Variants in FEZ2 observed in about 807,000 individuals in gnomAD.
The protein encoded by FEZ2 is fasciculation and elongation protein zeta-2.
Under a neutral mutation model 40.4 loss-of-function variants are expected in FEZ2, and 51 were observed. That is an observed-to-expected ratio of 1.26 (90% confidence interval 1.01 to 1.59). The LOEUF (loss-of-function observed/expected upper bound fraction) is 1.59. Ranked by LOEUF, FEZ2 falls within the 40% of genes most tolerant of loss-of-function variation. The probability of loss-of-function intolerance (pLI) is 0.00; values close to 1 mark genes in which losing one functional copy is unlikely to be tolerated. For synonymous variants in FEZ2, 242 were observed against 172.0 expected (o/e 1.41, Z -3.18); for missense variants, 640 against 438.3 (o/e 1.46, Z -4.11).
In FEZ2 at chr2:36,581,192, G is replaced by A; in HGVS notation, c.634+98C>T. ...GTAAATTTGGACACAAACACAAACA[G>A]AAGGAGGATGAAATCAAAGCTTTCT... On this transcript the variant is annotated intron_variant, in intron 4 of 7. Transcript: ENST00000405912. 2.7e-6 allele frequency: 3 copies of A among 1,110,176 alleles called. No individual in the cohort carries two copies. In the South Asian group the frequency reaches 4.6e-5, roughly 17 times the overall value. The allele number at this position is 1,110,176 out of a possible 1,614,324, so 68.8% of individuals were successfully genotyped here.
At chr2:36,571,610 G>A (rs1668413607) in intron 5 of FEZ2, among the ~76,000 whole-genome samples, 2 of 151,954 alleles carry the variant, frequency 1.3e-5, no homozygotes, top group African/African-American at 4.8e-5. Flanking sequence ...GGCCCAGATG[G>A]CACCACTGCA....
At chr2:36,595,769 C>T (rs529027285) in intron 1 of FEZ2, among the ~76,000 whole-genome samples, 93 of 152,136 alleles carry the variant, frequency 6.1e-4, no homozygotes, top group Non-Finnish European at 1.0e-3. Context: ...TCCCAACTCC[C>T]GGAAAAAAAG....
chr2:36,564,384 C>A (rs1668174920), intron 5 of FEZ2, among the ~76,000 whole-genome samples: 1 of 152,112 alleles, frequency 6.6e-6, no homozygotes, highest in Admixed American at 6.6e-5. Context: ...ATTTTATTCT[C>A]CTCGTTCATT....
intron 5 of FEZ2, among the ~76,000 whole-genome samples, chr2:36,561,152 T>C (rs1331794787): frequency 3.3e-5 from 5 of 152,278 alleles, no homozygotes; most frequent in African/African-American, 1.2e-4. Flanking sequence ...GTTGTACACA[T>C]ATTTGTTCTA....
chr2:36,597,023 T>G (rs1350529718), intron 1 of FEZ2, among the ~76,000 whole-genome samples: 2 of 152,010 alleles, frequency 1.3e-5, no homozygotes, highest in Non-Finnish European at 2.9e-5. Context: ...TGCTCTTAGG[T>G]GATTCTGTAA....
intron 5 of FEZ2, among the ~76,000 whole-genome samples, chr2:36,560,181 T>C (rs1668055609): frequency 6.6e-6 from 1 of 152,212 alleles, no homozygotes; most frequent in African/African-American, 2.4e-5. Flanking sequence ...AAAATGTGAA[T>C]AAAAAGCAAA....
intron 2 of FEZ2, among the ~76,000 whole-genome samples, chr2:36,584,635 G>T (rs79625362): frequency 6.6e-6 from 1 of 152,154 alleles, no homozygotes; most frequent in Non-Finnish European, 1.5e-5. Flanking sequence ...CAAGGATTAC[G>T]TAAGAAGCCA....
At chr2:36,565,137 A>C (rs1285633349) in intron 5 of FEZ2, among the ~76,000 whole-genome samples, 1 of 152,182 alleles carries the variant, frequency 6.6e-6, no homozygotes, top group Non-Finnish European at 1.5e-5. Flanking sequence ...CGAAACAATC[A>C]ACCTCACCAA....
chr2:36,590,154 G>GT (rs1395609145), intron 2 of FEZ2: 4 of 152,172 alleles, frequency 2.6e-5, no homozygotes, highest in Admixed American at 2.6e-4. Context: ...CCCAAGAAAG[G>GT]TAAGTTAGCC....
rs1468545576 is a variant in FEZ2 at position 36,560,986 on chromosome 2, ACTC to A, written c.904-2476_904-2474del. 5.6e-6 allele frequency: 3 copies of A among 536,738 alleles called. No individual in the cohort carries two copies. In the Admixed American group the frequency reaches 9.0e-5, roughly 16 times the overall value. 33.2% of individuals were successfully genotyped at this position (536,738 alleles called of 1,614,324 possible). On this transcript the variant is annotated intron_variant, in intron 5 of 7. Coordinates refer to ENST00000405912, the MANE Select transcript of FEZ2 (RefSeq NM_005102.3). ...AGGCAAGCAGTTAGAAAATGCCACT[ACTC>A]ATCCAGATAAAGCACATAAACCCAT...
chr2:36,588,900 C>T (rs1473918683), intron 2 of FEZ2, among the ~76,000 whole-genome samples: 1 of 151,868 alleles, frequency 6.6e-6, no homozygotes, highest in Non-Finnish European at 1.5e-5. Context: ...ACTCACGCTG[C>T]TAATGGGCCT....
chr2:36,595,405 C>T (rs1186921751), intron 1 of FEZ2, among the ~76,000 whole-genome samples: 1 of 152,026 alleles, frequency 6.6e-6, no homozygotes, highest in African/African-American at 2.4e-5. Context: ...AAGGTGTCTG[C>T]AAACTAGAAC....
chr2:36,556,185 CCTCCAACAAGCGTAT>C, intron 6 of FEZ2: 1 of 344,192 alleles, frequency 2.9e-6, no homozygotes, highest in South Asian at 2.5e-5. Context: ...ACAGCTATAC[CCTCCAACAAGCGTAT>C]CCTGTCAGAC....
chr2:36,577,610 T>C (rs1668612266), intron 5 of FEZ2, among the ~76,000 whole-genome samples: 2 of 152,248 alleles, frequency 1.3e-5, no homozygotes, highest in African/African-American at 4.8e-5. Flanking sequence ...AATGGATTTA[T>C]TCATAGGCTA....
chr2:36,582,095 G>C (rs936556119), intron 3 of FEZ2, among the ~76,000 whole-genome samples: 4 of 152,144 alleles, frequency 2.6e-5, no homozygotes, highest in Non-Finnish European at 4.4e-5. Flanking sequence ...GTCTAGTGCA[G>C]TGCTGCTCAA....
At chr2:36,574,580 C>T (rs541834907) in intron 5 of FEZ2, among the ~76,000 whole-genome samples, 7 of 151,706 alleles carry the variant, frequency 4.6e-5, no homozygotes, top group Admixed American at 1.3e-4. Context: ...CTGCATCGGA[C>T]AGAGTCATCA....
chr2:36,564,085 G>A (rs563081829), intron 5 of FEZ2, among the ~76,000 whole-genome samples: 2 of 152,212 alleles, frequency 1.3e-5, no homozygotes, highest in East Asian at 3.9e-4. Flanking sequence ...TAAATTGATA[G>A]CTCCACTTTA....
In FEZ2 at chr2:36,569,420, G is replaced by T. The variant is rs1347087512; in HGVS notation, c.903+9177C>A. ...ATTATAGTTCCTAGCTGATAGGACT[G>T]AAAACAACATAAAGAGACATTACTA... On this transcript the variant is annotated intron_variant, in intron 5 of 7. Coordinates refer to ENST00000405912, the MANE Select transcript of FEZ2 (RefSeq NM_005102.3). 3.7e-3 allele frequency among the ~76,000 whole-genome samples: 562 copies of T among 152,238 alleles called. 3 individuals are homozygous for T. Among genetic ancestry groups the T allele is most frequent in the African/African-American group, 0.013 (540 of 41,538 alleles).
chr2:36,564,852 C>T (rs979667767), intron 5 of FEZ2, among the ~76,000 whole-genome samples: 2 of 152,178 alleles, frequency 1.3e-5, no homozygotes, highest in African/African-American at 4.8e-5. Context: ...TGGAATATGT[C>T]CATTCTCTCC....
Sources: gnomAD v4.1 joint callset for allele counts (sites outside exome capture counted in the v4.1 genomes callset) on GRCh38, gnomAD v4.1.1 for gene constraint, MANE v1.5 for transcripts, NCBI Gene and HGNC (gene_info 2026-07-23, HGNC 2026-07-21) for gene names.